The following PTPRD variants were observed in gnomAD, a reference collection of about 807,000 sequenced individuals.
The protein encoded by PTPRD is receptor-type tyrosine-protein phosphatase delta.
A neutral mutation model predicts 214.5 loss-of-function variants in PTPRD; 34 were observed. The observed-to-expected ratio is 0.16, with a 90% confidence interval of 0.12 to 0.21. PTPRD has a LOEUF of 0.21. PTPRD is among the 10% of genes least tolerant of loss of function. The pLI is 1.00. For synonymous variants in PTPRD, 1,128 were observed against 845.7 expected (o/e 1.33, Z -5.79); for missense variants, 2,545 against 2,398.7 (o/e 1.06, Z -1.27).
At chr9:9,917,116 A>C (rs2081076379) in intron 5 of PTPRD, among the ~76,000 whole-genome samples, 1 of 151,484 alleles carries the variant, frequency 6.6e-6, no homozygotes, top group Admixed American at 6.6e-5. Flanking sequence ...AAACTAGAAA[A>C]ATTGTAAATA....
intron 10 of PTPRD, among the ~76,000 whole-genome samples, chr9:9,122,084 A>T (rs2099818142): frequency 6.6e-6 from 1 of 152,214 alleles, no homozygotes; most frequent in African/African-American, 2.4e-5. Flanking sequence ...GAAAACAAAA[A>T]AAGTAGATCC....
At chr9:10,077,179 C>A (rs983127088) in intron 3 of PTPRD, among the ~76,000 whole-genome samples, 1 of 152,116 alleles carries the variant, frequency 6.6e-6, no homozygotes, top group African/African-American at 2.4e-5. Context: ...GAATTATCAA[C>A]CTAGCAATAC....
intron 10 of PTPRD, among the ~76,000 whole-genome samples, chr9:9,031,488 G>A (rs1445052408): frequency 1.3e-5 from 2 of 152,024 alleles, no homozygotes; most frequent in South Asian, 2.1e-4. Context: ...AATTGTAACA[G>A]AATATTTGTG....
chr9:9,372,850 T>C (rs1209706076), intron 9 of PTPRD, among the ~76,000 whole-genome samples: 3 of 152,102 alleles, frequency 2.0e-5, no homozygotes, highest in Non-Finnish European at 4.4e-5. Flanking sequence ...TGTAAAGTAT[T>C]TTATTTCTCC....
chr9:8,534,959 T>G (rs987196287), intron 14 of PTPRD, among the ~76,000 whole-genome samples: 1 of 151,936 alleles, frequency 6.6e-6, no homozygotes, highest in African/African-American at 2.4e-5. Context: ...CTACAAATAT[T>G]TATTGAAGGC....
chr9:9,746,868 A>G (rs887926989), intron 6 of PTPRD, among the ~76,000 whole-genome samples: 3 of 147,276 alleles, frequency 2.0e-5, no homozygotes, highest in Non-Finnish European at 3.0e-5. Context: ...TTTAACTGTC[A>G]TAAGACAAAA....
chr9:9,789,250 A>T (rs1230143359), intron 5 of PTPRD, among the ~76,000 whole-genome samples: 1 of 152,178 alleles, frequency 6.6e-6, no homozygotes, highest in Admixed American at 6.5e-5. Context: ...ATTAATATAC[A>T]TCCAAGGTAA....
At chr9:10,601,482 C>A (rs1042301745) in intron 2 of PTPRD, among the ~76,000 whole-genome samples, 1 of 151,694 alleles carries the variant, frequency 6.6e-6, no homozygotes, top group African/African-American at 2.4e-5. Flanking sequence ...GGACTTACTA[C>A]ATCTGTTTGT....
rs1168356855 is a variant in PTPRD at position 9,933,175 on chromosome 9, T to A, written c.-368+5332A>T. On this transcript the variant is annotated intron_variant, in intron 5 of 45. Coordinates refer to ENST00000381196, the MANE Select transcript of PTPRD (RefSeq NM_002839.4). ...TAGGAAGTAACTGCATCAACTAACG[T>A]GCAAAATAACCAGCTAACATCATAA... Among the ~76,000 whole-genome samples the A allele has an allele frequency of 9.2e-5, 14 of 152,036 alleles. No homozygotes were observed. In the South Asian group the frequency reaches 2.3e-3, roughly 25 times the overall value.
At chr9:8,536,396 T>C (rs1014695200) in intron 14 of PTPRD, among the ~76,000 whole-genome samples, 2 of 151,878 alleles carry the variant, frequency 1.3e-5, no homozygotes, top group African/African-American at 4.8e-5. Flanking sequence ...AATCCACATA[T>C]ATATACATAC....
At chr9:9,746,796 G>A (rs897926400) in intron 6 of PTPRD, among the ~76,000 whole-genome samples, 2 of 149,296 alleles carry the variant, frequency 1.3e-5, no homozygotes, top group Non-Finnish European at 3.0e-5. Flanking sequence ...TGTGAAGATA[G>A]ACAAGATGTG....
chr9:9,481,155 G>A (rs551063853), intron 8 of PTPRD, among the ~76,000 whole-genome samples: 13 of 152,180 alleles, frequency 8.5e-5, no homozygotes, highest in Non-Finnish European at 1.5e-4. Flanking sequence ...GGAGTGTAGC[G>A]AGGATGAGGG....
chr9:10,267,117 G>C (rs899653631), intron 3 of PTPRD, among the ~76,000 whole-genome samples: 1 of 151,246 alleles, frequency 6.6e-6, no homozygotes, highest in Non-Finnish European at 1.5e-5. Flanking sequence ...CCTGAACTCG[G>C]GGGGCAGAGG....
At chr9:10,610,810 TA>T (rs1567201779) in intron 2 of PTPRD, among the ~76,000 whole-genome samples, 2 of 152,134 alleles carry the variant, frequency 1.3e-5, no homozygotes, top group African/African-American at 4.8e-5. Flanking sequence ...CTCATTACCC[TA>T]AAAACTTATG....
intron 10 of PTPRD, among the ~76,000 whole-genome samples, chr9:9,037,408 T>G (rs560752212): frequency 6.6e-6 from 1 of 152,280 alleles, no homozygotes; most frequent in South Asian, 2.1e-4. Context: ...CTCACCTTAA[T>G]GTTTCAACCA....
chr9:8,636,973 G>A, intron 12 of PTPRD, 129 bp from the exon 13 acceptor site: 2 of 867,788 alleles, frequency 2.3e-6, no homozygotes, highest in South Asian at 4.5e-5. Flanking sequence ...AATGCACTAT[G>A]GGATTACAAA....
In PTPRD at chr9:9,018,694, T is replaced by C. The variant is rs1254358794; in HGVS notation, c.-104+3A>G. On this transcript the variant is annotated splice_donor_region_variant and intron_variant, in intron 11 of 45. Coordinates refer to ENST00000381196, the MANE Select transcript of PTPRD (RefSeq NM_002839.4). The stretch of plus-strand genomic sequence containing the variant: ...ACACAACCCAGTATGCTTTAAATCT[T>C]ACTTGTTCTTTAGATCCCACGGGTG... The C allele has an allele frequency of 6.6e-6, 1 of 152,206 alleles. No homozygotes were observed. The highest frequency in any genetic ancestry group is 1.5e-5 in the Non-Finnish European group (1 of 68,040). 9.4% of individuals were successfully genotyped at this position (152,206 alleles called of 1,614,324 possible). A position where few individuals can be genotyped will look rare whatever the true frequency, so the allele number is the denominator to read the frequency against.
intron 21 of PTPRD, among the ~76,000 whole-genome samples, chr9:8,513,729 G>A (rs1049066602): frequency 5.9e-5 from 9 of 152,026 alleles, no homozygotes; most frequent in African/African-American, 2.2e-4. Flanking sequence ...TTTTTCTTAA[G>A]GAGCAGCTCG....
At chr9:10,321,715 G>C (rs10959042) in intron 3 of PTPRD, among the ~76,000 whole-genome samples, 7 of 151,884 alleles carry the variant, frequency 4.6e-5, no homozygotes, top group African/African-American at 1.7e-4. Flanking sequence ...TATTTATGTA[G>C]GTCACATTTA....
Sources: gnomAD v4.1 joint callset for allele counts (sites outside exome capture counted in the v4.1 genomes callset) on GRCh38, gnomAD v4.1.1 for gene constraint, MANE v1.5 for transcripts, NCBI Gene and HGNC (gene_info 2026-07-23, HGNC 2026-07-21) for gene names.